Variants in CFAP251 observed in about 807,000 individuals in gnomAD.
CFAP251 encodes cilia and flagella associated protein 251.
CFAP251 carries 93 observed loss-of-function variants against 126.7 expected under a neutral mutation model. The observed-to-expected ratio is 0.73, with a 90% CI of 0.62 to 0.87. The LOEUF (loss-of-function observed/expected upper bound fraction) is 0.87. Ranked by LOEUF, CFAP251 falls within the 40% of genes least tolerant of loss-of-function variation. The pLI is 0.00. For missense variants in CFAP251, 1,287 were observed against 1,389.2 expected, an observed-to-expected ratio of 0.93 and a Z score of 1.17; for synonymous variants, 503 against 506.9, an observed-to-expected ratio of 0.99 and a Z score of 0.10.
chr12:121,957,816 T>G (rs1016391593), intron 11 of CFAP251, among the ~76,000 whole-genome samples: 2 of 151,852 alleles, frequency 1.3e-5, no homozygotes, highest in Non-Finnish European at 2.9e-5. Context: ...GAGTCTGGAG[T>G]CTTTTGCTGC....
At chr12:121,993,020 C>T (rs1174428847) in intron 19 of CFAP251, among the ~76,000 whole-genome samples, 1 of 143,952 alleles carries the variant, frequency 6.9e-6, no homozygotes, top group Non-Finnish European at 1.5e-5. Flanking sequence ...GTCTCCCTCT[C>T]ATGCGGAGCC....
chr12:121,997,534 A>C (rs1342640372), intron 19 of CFAP251: 1 of 151,496 alleles, frequency 6.6e-6, no homozygotes, highest in Non-Finnish European at 1.5e-5. Flanking sequence ...TAAGTCTTCC[A>C]ATCCCTGAAT....
rs1463499416 is a variant in CFAP251 at position 121,999,616 on chromosome 12, A to G, written c.3007-100A>G. 1.6e-5 allele frequency: 14 copies of G among 897,016 alleles called. No homozygotes were observed. In the Admixed American group the frequency reaches 3.7e-4, roughly 23 times the overall value. The allele number at this position is 897,016 out of a possible 1,614,324, so 55.6% of individuals were successfully genotyped here. On this transcript the variant is annotated intron_variant, in intron 19 of 21. Coordinates refer to ENST00000288912, the MANE Select transcript of CFAP251 (RefSeq NM_144668.6). ...CTCCCAAAGTGCTAGGATTACAGGC[A>G]TGAGCCGCTGCACCAGCCCTACTGT...
intron 5 of CFAP251, 94 bp downstream of exon 5, chr12:121,934,450 G>A: frequency 1.1e-6 from 1 of 948,046 alleles, no homozygotes; most frequent in Non-Finnish European, 1.6e-6. Flanking sequence ...CCAATGCCTA[G>A]AAATTTGATT....
At position 121,958,616 on chromosome 12, in the gene CFAP251, C is replaced by T; in HGVS notation, c.1981+94C>T. 3 of 1,557,362 alleles carry T rather than the reference C, an allele frequency of 1.9e-6. No homozygotes were observed. The South Asian group carries it at 3.7e-5, about 19-fold the overall frequency. ...GCTGGCATAGCTCCAGGAAGTCTCC[C>T]CGACTCCAGCCCCCAGCAGGCTGGA... On this transcript the variant is annotated intron_variant, in intron 12 of 21. Transcript: ENST00000288912.
chr12:121,925,371 T>C (rs1880369513), intron 3 of CFAP251, among the ~76,000 whole-genome samples: 1 of 152,218 alleles, frequency 6.6e-6, no homozygotes, highest in South Asian at 2.1e-4. Context: ...TTCCTGTAGA[T>C]TCATGCCTTT....
At chr12:121,993,913 GC>G (rs1882954261) in intron 19 of CFAP251, among the ~76,000 whole-genome samples, 1 of 112,838 alleles carries the variant, frequency 8.9e-6, no homozygotes, top group African/African-American at 3.4e-5. Context: ...CTGCCCGGCC[GC>G]CCCTACTGGG....
In CFAP251 at chr12:122,003,698, A is replaced by G; in HGVS notation, c.3384A>G (p.Ala1128=). ...AAGAACTTCCAGACGAAATCACTGC[A>G]GAAATATTCGCGACTGAAATTCTTG... ...LEEELPDEIT[A]EIFATEILGL... The change falls in exon 22 of 22, where the codon GCA becomes GCG. Residue 1128 remains alanine (A), a synonymous_variant. Coordinates refer to ENST00000288912, the MANE Select transcript of CFAP251 (RefSeq NM_144668.6). 6.2e-7 allele frequency: 1 copy of G among 1,610,532 alleles called. No individual in the cohort carries two copies. The highest frequency in any genetic ancestry group is 1.3e-5 in the African/African-American group (1 of 74,880).
At chr12:121,967,619 A>G (rs554505399) in intron 16 of CFAP251, among the ~76,000 whole-genome samples, 103 of 152,242 alleles carry the variant, frequency 6.8e-4, no homozygotes, top group Non-Finnish European at 1.0e-3. Context: ...GGAGAATGGC[A>G]TGAACCCGGG....
intron 15 of CFAP251, 21 bp from the exon 16 acceptor site, chr12:121,966,932 ACT>A: frequency 1.9e-6 from 3 of 1,603,864 alleles, no homozygotes; most frequent in Admixed American, 3.4e-5. Flanking sequence ...AATTTTAAAA[ACT>A]CTTTCTCTTT....
At chr12:121,942,032 A>G (rs1043049930) in intron 5 of CFAP251, among the ~76,000 whole-genome samples, 8 of 152,204 alleles carry the variant, frequency 5.3e-5, no homozygotes, top group African/African-American at 1.9e-4. Flanking sequence ...ATGAGAACCT[A>G]GAGCTTGTGA....
Position 121,934,266 on chromosome 12 carries a change from C to G in CFAP251, c.908C>G (p.Ser303Cys). ...CCATAGGGCCACGCCAATATTATCT[C>G]CTGCCTCTGCGTCAGTGAAGACAGG... ...YHLQGHANII[S>C]CLCVSEDRRW... Residue 303 changes from serine (S) to cysteine (C), a missense_variant, in exon 5 of 22, where the codon TCC becomes TGC. Transcript: ENST00000288912. The G allele has an allele frequency of 6.2e-7, 1 of 1,613,984 alleles. No homozygotes were observed. Among genetic ancestry groups the G allele is most frequent in the African/African-American group, 1.3e-5 (1 of 75,068 alleles).
intron 7 of CFAP251, among the ~76,000 whole-genome samples, chr12:121,943,532 C>T (rs1163010482): frequency 1.3e-5 from 2 of 152,138 alleles, no homozygotes; most frequent in Non-Finnish European, 2.9e-5. Flanking sequence ...AAGCGATTCT[C>T]CTGCCTCAGC....
At chr12:121,966,715 A>G (rs1428326719) in intron 15 of CFAP251, among the ~76,000 whole-genome samples, 1 of 150,658 alleles carries the variant, frequency 6.6e-6, no homozygotes, top group Non-Finnish European at 1.5e-5. Flanking sequence ...CCTCCTGAGT[A>G]GCTGGGATTG....
chr12:121,931,772 C>G lies in CFAP251; in HGVS notation c.774C>G (p.Asn258Lys). Residue 258 changes from asparagine (N) to lysine (K), a missense_variant, in exon 4 of 22, where the codon AAC becomes AAG. Coordinates refer to ENST00000288912, the MANE Select transcript of CFAP251 (RefSeq NM_144668.6). ...CCATGACCTGGTCGTTTGGATGGAACAGTTCTCTTCCTGTTTACTATATTC... is the reference window on the plus strand; with the variant it reads ...CCATGACCTGGTCGTTTGGATGGAAGAGTTCTCTTCCTGTTTACTATATTC... ...PLTMTWSFGW[N>K]SSLPVYYIRE... 6.3e-7 allele frequency: 1 copy of G among 1,595,590 alleles called. No individual in the cohort carries two copies. Among genetic ancestry groups the G allele is most frequent in the Non-Finnish European group, 8.5e-7 (1 of 1,172,180 alleles).
At chr12:121,971,667 T>C in intron 17 of CFAP251, 1 of 702,162 alleles carries the variant, frequency 1.4e-6, no homozygotes, top group South Asian at 1.5e-5. Context: ...GAGCTGGGAT[T>C]CACAGCCAGG....
At chr12:121,984,782 A>G (rs1882706136) in intron 19 of CFAP251, among the ~76,000 whole-genome samples, 1 of 152,214 alleles carries the variant, frequency 6.6e-6, no homozygotes, top group African/African-American at 2.4e-5. Flanking sequence ...GATGGGGCCC[A>G]GCATATCATT....
intron 7 of CFAP251, among the ~76,000 whole-genome samples, chr12:121,943,563 C>T (rs972316146): frequency 6.6e-6 from 1 of 151,986 alleles, no homozygotes; most frequent in East Asian, 2.0e-4. Flanking sequence ...GCTGGGATTA[C>T]AGGCACGTGC....
chr12:121,959,955 C>T (rs371677358), intron 13 of CFAP251, among the ~76,000 whole-genome samples: 235 of 151,986 alleles, frequency 1.5e-3, no homozygotes, highest in African/African-American at 5.4e-3. Context: ...GAGACACCCC[C>T]CATCTCTACA....
Sources: allele counts gnomAD v4.1 joint callset (sites outside exome capture counted in the v4.1 genomes callset), GRCh38; gene constraint gnomAD v4.1.1; transcripts MANE v1.5; gene names NCBI Gene and HGNC (gene_info 2026-07-23, HGNC 2026-07-21).